BNC2: variants seen among roughly 807,000 people sequenced by gnomAD.
The protein encoded by BNC2 is basonuclin zinc finger protein 2, also known as zinc finger protein basonuclin-2.
BNC2 carries 20 observed loss-of-function variants against 76.3 expected under a neutral mutation model. The observed-to-expected ratio is 0.26, with a 90% CI of 0.18 to 0.38. The LOEUF (loss-of-function observed/expected upper bound fraction) is 0.38, where lower values mean the gene tolerates loss of function less well. Ranked by LOEUF, BNC2 falls within the 10% of genes least tolerant of loss-of-function variation. The pLI is 1.00. For missense variants in BNC2, 1,382 were observed against 1,399.8 expected (o/e 0.99, Z 0.20); for synonymous variants, 582 against 514.8 (o/e 1.13, Z -1.77).
intron 5 of BNC2, among the ~76,000 whole-genome samples, chr9:16,478,204 G>A (rs1821968840): frequency 6.6e-6 from 1 of 152,122 alleles, no homozygotes; most frequent in Non-Finnish European, 1.5e-5. Flanking sequence ...TGGTCCACGT[G>A]GAAGCCCTTA....
At chr9:16,539,753 G>GGAAAGGAAAGGAAAA (rs1399242933) in intron 5 of BNC2, among the ~76,000 whole-genome samples, 8 of 82,224 alleles carry the variant, frequency 9.7e-5, no homozygotes, top group Non-Finnish European at 1.6e-4. Flanking sequence ...GGGAAGGGAA[G>GGAAAGGAAAGGAAAA]GAAAGGAAAG....
intron 5 of BNC2, among the ~76,000 whole-genome samples, chr9:16,551,635 G>C (rs1220372515): frequency 6.6e-6 from 1 of 152,250 alleles, no homozygotes; most frequent in East Asian, 1.9e-4. Flanking sequence ...CCTTCGGCGA[G>C]AGGGGTATTT....
intron 3 of BNC2, among the ~76,000 whole-genome samples, chr9:16,673,671 T>C (rs1822553177): frequency 6.6e-6 from 1 of 152,186 alleles, no homozygotes; most frequent in Admixed American, 6.5e-5. Context: ...AACAAGATAA[T>C]CTCATAAACA....
chr9:16,794,814 A>C (rs1016796030), intron 1 of BNC2, among the ~76,000 whole-genome samples: 6 of 152,170 alleles, frequency 3.9e-5, no homozygotes, highest in Non-Finnish European at 5.9e-5. Context: ...TTTTCAAAAA[A>C]TTAGCTGTCC....
At chr9:16,698,683 A>C (rs1587328417) in intron 3 of BNC2, among the ~76,000 whole-genome samples, 3 of 152,214 alleles carry the variant, frequency 2.0e-5, no homozygotes, top group African/African-American at 7.2e-5. Context: ...AACAAGAGCA[A>C]AACTCCATCT....
In BNC2 at chr9:16,501,830, G is replaced by A. The variant is rs59924170; in HGVS notation, c.669+50700C>T. The stretch of plus-strand genomic sequence containing the variant: ...AGGAAGCTAAGGTCTATGTTACCCT[G>A]ACCTCTGGTAAGGTAGGTAAGACAC... On this transcript the variant is annotated intron_variant, in intron 5 of 6. Coordinates refer to ENST00000380672, the MANE Select transcript of BNC2 (RefSeq NM_017637.6). Among the ~76,000 whole-genome samples the A allele has an allele frequency of 6.3e-3, 957 of 152,292 alleles. 12 individuals carry two copies. Among genetic ancestry groups the A allele is most frequent in the African/African-American group, 0.021 (875 of 41,548 alleles).
At chr9:16,723,269 G>A (rs1027685833) in intron 3 of BNC2, among the ~76,000 whole-genome samples, 1 of 152,002 alleles carries the variant, frequency 6.6e-6, no homozygotes, top group African/African-American at 2.4e-5. Flanking sequence ...AATGAAAGTC[G>A]TTTTCAAAGA....
chr9:16,626,607 T>A (rs1213610493), intron 3 of BNC2, among the ~76,000 whole-genome samples: 1 of 152,170 alleles, frequency 6.6e-6, no homozygotes, highest in Non-Finnish European at 1.5e-5. Context: ...AAGCCCAATT[T>A]AAACTAAAAC....
intron 3 of BNC2, among the ~76,000 whole-genome samples, chr9:16,618,426 A>G (rs1820771568): frequency 1.3e-5 from 2 of 152,204 alleles, no homozygotes; most frequent in Non-Finnish European, 2.9e-5. Context: ...GGACGCCAGG[A>G]GGAAGAAAGC....
chr9:16,586,136 G>C (rs62622795), intron 3 of BNC2, among the ~76,000 whole-genome samples: 11,475 of 151,810 alleles, frequency 0.076, 690 homozygotes, highest in East Asian at 0.24. Flanking sequence ...GTCGTTCACA[G>C]AATGTACCAC....
intron 1 of BNC2, among the ~76,000 whole-genome samples, chr9:16,801,802 A>C (rs1817789382): frequency 1.3e-5 from 2 of 152,046 alleles, no homozygotes; most frequent in African/African-American, 4.8e-5. Context: ...TAATTGAAAC[A>C]AAGGGATAAT....
At chr9:16,576,255 T>TAAA (rs1485032364) in intron 4 of BNC2, among the ~76,000 whole-genome samples, 1 of 152,198 alleles carries the variant, frequency 6.6e-6, no homozygotes, top group Non-Finnish European at 1.5e-5. Flanking sequence ...AGACGAAACT[T>TAAA]AGTTGTTTTT....
chr9:16,762,363 C>T lies in BNC2; in HGVS notation c.4-23878G>A, dbSNP rs180894627. On this transcript the variant is annotated intron_variant, in intron 1 of 6. Coordinates refer to ENST00000380672, the MANE Select transcript of BNC2 (RefSeq NM_017637.6). ...CATCCAGAGATCTTTACCCACCCTA[C>T]CCCCAAATGTTTTTCTCTTTCCTAG... is the stretch of plus-strand genomic sequence containing the variant. Among the ~76,000 whole-genome samples the T allele has an allele frequency of 5.3e-5, 8 of 152,258 alleles. No individual in the cohort carries two copies. The South Asian group carries it at 8.3e-4, about 16-fold the overall frequency.
intron 1 of BNC2, among the ~76,000 whole-genome samples, chr9:16,865,753 C>T (rs1314731013): frequency 2.0e-5 from 3 of 152,058 alleles, no homozygotes; most frequent in Non-Finnish European, 4.4e-5. Flanking sequence ...ATAGCAAAAA[C>T]TTAAAGAATG....
intron 3 of BNC2, among the ~76,000 whole-genome samples, chr9:16,632,805 A>G (rs1433524072): frequency 6.6e-6 from 1 of 152,216 alleles, no homozygotes; most frequent in Non-Finnish European, 1.5e-5. Flanking sequence ...GTCAAATTTT[A>G]GCACCAACTT....
chr9:16,773,789 C>T (rs1825891408), intron 1 of BNC2, among the ~76,000 whole-genome samples: 1 of 152,116 alleles, frequency 6.6e-6, no homozygotes, highest in Admixed American at 6.6e-5. Context: ...CACCTACATG[C>T]CAAATGACCT....
At chr9:16,598,827 T>C (rs759557319) in intron 3 of BNC2, among the ~76,000 whole-genome samples, 7 of 152,178 alleles carry the variant, frequency 4.6e-5, no homozygotes, top group Admixed American at 6.6e-5. Context: ...TCCTGGGCAA[T>C]ACCTATTCCT....
intron 5 of BNC2, among the ~76,000 whole-genome samples, chr9:16,509,662 T>A (rs1822709052): frequency 1.3e-5 from 2 of 152,250 alleles, no homozygotes; most frequent in Admixed American, 1.3e-4. Context: ...TCTATTCAGT[T>A]CCATACCAAA....
At position 16,730,712 on chromosome 9, in the gene BNC2, G is replaced by A. The variant is rs1022996767; in HGVS notation, c.130-2715C>T. ...ACTGAGGTGGCCCTGGCTGAAACAC[G>A]TCTGCAATATAACATGTTACTGCCA... On this transcript the variant is annotated intron_variant, in intron 2 of 6. Coordinates refer to ENST00000380672, the MANE Select transcript of BNC2 (RefSeq NM_017637.6). 1.3e-4 allele frequency among the ~76,000 whole-genome samples: 20 copies of A among 152,040 alleles called. 1 individual carries two copies. In the East Asian group the frequency reaches 2.5e-3, roughly 19 times the overall value.
Sources: allele counts gnomAD v4.1 joint callset (sites outside exome capture counted in the v4.1 genomes callset), GRCh38; gene constraint gnomAD v4.1.1; transcripts MANE v1.5; gene names NCBI Gene and HGNC (gene_info 2026-07-23, HGNC 2026-07-21).